The following NRXN3 variants were observed in gnomAD, a reference collection of about 807,000 sequenced individuals.
The protein encoded by NRXN3 is neurexin 3.
A neutral mutation model predicts 137.6 loss-of-function variants in NRXN3; 32 were observed. That is an observed-to-expected ratio of 0.23 (90% CI 0.18 to 0.31). The LOEUF (loss-of-function observed/expected upper bound fraction) is 0.31. NRXN3 is among the 10% of genes least tolerant of loss of function. The probability of loss-of-function intolerance (pLI) is 1.00; values close to 1 mark genes in which losing one functional copy is unlikely to be tolerated. For synonymous variants in NRXN3, 798 were observed against 784.5 expected, an observed-to-expected ratio of 1.02 and a Z score of -0.29; for missense variants, 1,574 against 2,062.5, an observed-to-expected ratio of 0.76 and a Z score of 4.59.
chr14:79,405,512 T>C (rs2095292794), intron 15 of NRXN3, among the ~76,000 whole-genome samples: 1 of 152,120 alleles, frequency 6.6e-6, no homozygotes, highest in Admixed American at 6.6e-5. Flanking sequence ...GCCTTGATCC[T>C]TCTATTTGTA....
At position 79,684,759 on chromosome 14, in the gene NRXN3, G is replaced by A. The variant is rs142681513; in HGVS notation, c.3617-7414G>A. 9.7e-4 allele frequency among the ~76,000 whole-genome samples: 147 copies of A among 152,210 alleles called. 1 individual carries two copies. The highest frequency in any genetic ancestry group is 3.2e-3 in the African/African-American group (133 of 41,540). On this transcript the variant is annotated intron_variant, in intron 17 of 20. Coordinates refer to ENST00000335750, the MANE Select transcript of NRXN3 (RefSeq NM_001330195.2). Reference sequence around the variant, plus strand: ...GGCATTCTGGCTTCAAAAACCTTGCGTTTGATGTTCTCTACTTAGAAATAA... The same window carrying A: ...GGCATTCTGGCTTCAAAAACCTTGCATTTGATGTTCTCTACTTAGAAATAA...
chr14:78,524,146 G>C (rs1461680995), intron 4 of NRXN3, among the ~76,000 whole-genome samples: 1 of 152,064 alleles, frequency 6.6e-6, no homozygotes, highest in Non-Finnish European at 1.5e-5. Flanking sequence ...TTGAGGGGTG[G>C]TCACGATTAT....
intron 6 of NRXN3, among the ~76,000 whole-genome samples, chr14:78,689,247 C>A (rs1224392265): frequency 6.6e-6 from 1 of 152,088 alleles, no homozygotes; most frequent in Non-Finnish European, 1.5e-5. Flanking sequence ...TCCTCCTCCT[C>A]CTTCATCACC....
intron 16 of NRXN3, among the ~76,000 whole-genome samples, chr14:79,559,822 T>G (rs375368984): frequency 9.6e-4 from 146 of 152,304 alleles, no homozygotes; most frequent in African/African-American, 3.4e-3. Context: ...GATAAATTGT[T>G]TGCCTAAGCC....
intron 16 of NRXN3, among the ~76,000 whole-genome samples, chr14:79,544,509 A>C (rs142888197): frequency 6.6e-6 from 1 of 152,166 alleles, no homozygotes; most frequent in South Asian, 2.1e-4. Flanking sequence ...GATGGATGCC[A>C]TTTCTGTTGG....
At chr14:78,611,828 C>T (rs1566887009) in intron 4 of NRXN3, among the ~76,000 whole-genome samples, 1 of 152,210 alleles carries the variant, frequency 6.6e-6, no homozygotes, top group African/African-American at 2.4e-5. Flanking sequence ...TTTGAGACTT[C>T]AGAAGGTCTT....
At position 78,837,489 on chromosome 14, in the gene NRXN3, T is replaced by TG. The variant is rs112707584; in HGVS notation, c.2275+27148dup. On this transcript the variant is annotated intron_variant, in intron 10 of 20. Transcript: ENST00000335750. The stretch of plus-strand genomic sequence containing the variant: ...CTAGTCCTTTGCCTCTTTATTTTTG[T>TG]GGGTTTTTTTTTTTTCTCTTTGAGA... Among the ~76,000 whole-genome samples the TG allele has an allele frequency of 1.2e-3, 178 of 148,490 alleles. 1 individual carries two copies. Among genetic ancestry groups the TG allele is most frequent in the Admixed American group, 5.6e-3 (83 of 14,904 alleles).
At chr14:78,242,281 T>G (rs2067181277) in intron 1 of NRXN3, 110 bp from the exon 2 acceptor site, 1 of 152,204 alleles carries the variant, frequency 6.6e-6, no homozygotes, top group Non-Finnish European at 1.5e-5. Flanking sequence ...ATCACTAGAA[T>G]AGCTTGGCTC....
chr14:79,531,302 G>A (rs867551818), intron 16 of NRXN3, among the ~76,000 whole-genome samples: 2 of 152,192 alleles, frequency 1.3e-5, no homozygotes, highest in Non-Finnish European at 2.9e-5. Flanking sequence ...GTTCCATGGA[G>A]GACGTGGAGT....
At chr14:78,754,989 G>A (rs1458160272) in intron 8 of NRXN3, among the ~76,000 whole-genome samples, 1 of 151,906 alleles carries the variant, frequency 6.6e-6, no homozygotes, top group Non-Finnish European at 1.5e-5. Context: ...CTAGTAAAAG[G>A]CAGCAAAGTT....
At chr14:78,746,835 G>A (rs2098609881) in intron 8 of NRXN3, among the ~76,000 whole-genome samples, 2 of 152,142 alleles carry the variant, frequency 1.3e-5, no homozygotes, top group Admixed American at 1.3e-4. Context: ...TAGTGCCTTT[G>A]CAACATATTT....
chr14:79,783,006 A>T (rs2099118609), intron 19 of NRXN3, among the ~76,000 whole-genome samples: 1 of 152,222 alleles, frequency 6.6e-6, no homozygotes, highest in Admixed American at 6.5e-5. Context: ...GGAGATAAGG[A>T]CATTTATCTT....
chr14:79,083,117 A>G (rs1313821228), intron 15 of NRXN3, among the ~76,000 whole-genome samples: 1 of 152,174 alleles, frequency 6.6e-6, no homozygotes, highest in Non-Finnish European at 1.5e-5. Context: ...ATTTTCCATC[A>G]GTGGTACTGT....
chr14:78,731,721 A>G (rs2098516732), intron 8 of NRXN3, among the ~76,000 whole-genome samples: 1 of 151,402 alleles, frequency 6.6e-6, no homozygotes, highest in African/African-American at 2.4e-5. Flanking sequence ...TGGGAGATAT[A>G]TGTGTATATA....
intron 15 of NRXN3, among the ~76,000 whole-genome samples, chr14:79,018,278 AAAAAAAAAAAAAAAAAAAG>A (rs1240937317): frequency 4.0e-4 from 25 of 61,950 alleles, no homozygotes; most frequent in Admixed American, 2.3e-3. Context: ...AAAAAAAAAA[AAAAAAAAAAAAAAAAAAAG>A]AGAGAGAGCA....
At chr14:79,262,284 G>T (rs908444573) in intron 15 of NRXN3, among the ~76,000 whole-genome samples, 1 of 152,178 alleles carries the variant, frequency 6.6e-6, no homozygotes, top group African/African-American at 2.4e-5. Flanking sequence ...GGTTGGGGCT[G>T]CTCTCTGATC....
chr14:78,252,589 G>T (rs1286594253), intron 2 of NRXN3, among the ~76,000 whole-genome samples: 1 of 152,158 alleles, frequency 6.6e-6, no homozygotes, highest in Admixed American at 6.6e-5. Flanking sequence ...TGCTAGCTTG[G>T]TTCTCTTGAA....
chr14:79,328,263 G>A (rs1217929423), intron 15 of NRXN3, among the ~76,000 whole-genome samples: 1 of 152,164 alleles, frequency 6.6e-6, no homozygotes, highest in African/African-American at 2.4e-5. Flanking sequence ...ATTTATAAAA[G>A]TGAATTCAGC....
At chr14:79,743,537 T>A (rs558711659) in intron 19 of NRXN3, among the ~76,000 whole-genome samples, 77 of 152,292 alleles carry the variant, frequency 5.1e-4, no homozygotes, top group African/African-American at 1.8e-3. Context: ...AACACTTTAA[T>A]AGGTTTAGGA....
Sources: allele counts gnomAD v4.1 joint callset (sites outside exome capture counted in the v4.1 genomes callset), GRCh38; gene constraint gnomAD v4.1.1; transcripts MANE v1.5; gene names NCBI Gene and HGNC (gene_info 2026-07-23, HGNC 2026-07-21).